SPATA6L: variants seen among roughly 807,000 people sequenced by gnomAD.
SPATA6L encodes spermatogenesis associated 6-like protein.
Under a neutral mutation model 49.2 loss-of-function variants are expected in SPATA6L, and 68 were observed. The ratio of observed to expected loss-of-function variants is 1.38; its 90% CI spans 1.14 to 1.69. The LOEUF is 1.69. Ranked by LOEUF, SPATA6L falls within the 40% of genes most tolerant of loss-of-function variation. The probability of loss-of-function intolerance (pLI) is 0.00; values close to 1 mark genes in which losing one functional copy is unlikely to be tolerated. For synonymous variants in SPATA6L, 198 were observed against 165.7 expected, an observed-to-expected ratio of 1.19 and a Z score of -1.50; for missense variants, 668 against 464.3, an observed-to-expected ratio of 1.44 and a Z score of -4.03.
intron 13 of SPATA6L, among the ~76,000 whole-genome samples, chr9:4,591,970 T>G (rs1427718068): frequency 6.6e-6 from 1 of 152,136 alleles, no homozygotes; most frequent in East Asian, 1.9e-4. Flanking sequence ...TGAGCCTCCC[T>G]GCCAGGATGA....
chr9:4,603,915 T>G (rs1824016400), intron 11 of SPATA6L, among the ~76,000 whole-genome samples: 1 of 152,064 alleles, frequency 6.6e-6, no homozygotes, highest in African/African-American at 2.4e-5. Flanking sequence ...TTCAAGAAGC[T>G]GAAAGAAGGC....
intron 9 of SPATA6L, chr9:4,617,467 A>G (rs1828273068): frequency 6.5e-6 from 1 of 152,728 alleles, no homozygotes; most frequent in South Asian, 2.1e-4. Context: ...TGCTCTCCAG[A>G]CATATGCAAA....
intron 3 of SPATA6L, among the ~76,000 whole-genome samples, chr9:4,635,652 A>C (rs1832655082): frequency 6.6e-6 from 1 of 152,220 alleles, no homozygotes; most frequent in South Asian, 2.1e-4. Flanking sequence ...AAAAAGGAAA[A>C]ACTATCTTTC....
intron 3 of SPATA6L, among the ~76,000 whole-genome samples, chr9:4,650,977 C>T (rs1587442403): frequency 6.6e-6 from 1 of 152,052 alleles, no homozygotes; most frequent in Admixed American, 6.6e-5. Context: ...GCTGGGATTA[C>T]AGGCATGAGC....
chr9:4,594,541 T>C (rs1822116735), downstream of SPATA6L, among the ~76,000 whole-genome samples: 1 of 152,152 alleles, frequency 6.6e-6, no homozygotes, highest in Non-Finnish European at 1.5e-5. Flanking sequence ...ATCACCATTA[T>C]TTCCCCTACA....
intron 2 of SPATA6L, 40 bp from the exon 3 acceptor site, chr9:4,656,129 A>T: frequency 6.4e-7 from 1 of 1,561,052 alleles, no homozygotes; most frequent in Non-Finnish European, 8.8e-7. Flanking sequence ...TCAAAGTTGT[A>T]TTAATAAGCG....
At chr9:4,644,641 T>C (rs1834884965) in intron 3 of SPATA6L, among the ~76,000 whole-genome samples, 1 of 151,278 alleles carries the variant, frequency 6.6e-6, no homozygotes, top group Admixed American at 6.6e-5. Flanking sequence ...AGAGGAGAAT[T>C]TTCTGAGTTT....
chr9:4,663,661 A>G lies in SPATA6L; in HGVS notation c.40-1625T>C, dbSNP rs74757450. The G allele has an allele frequency of 6.1e-4, 122 of 199,634 alleles. 1 individual carries two copies. The highest frequency in any genetic ancestry group is 2.7e-3 in the African/African-American group (116 of 42,614). The allele number at this position is 199,634 out of a possible 1,614,324, so 12.4% of individuals were successfully genotyped here. A position where few individuals can be genotyped will look rare whatever the true frequency, so the allele number is the denominator to read the frequency against. On this transcript the variant is annotated intron_variant, in intron 1 of 11. Coordinates refer to ENST00000682582, the MANE Select transcript of SPATA6L (RefSeq NM_001353486.2). ...ACTTCGAGAAAGAAACATGATGTTC[A>G]TTCTGTAAATATACATGCAGACAGG...
chr9:4,625,454 C>T lies in SPATA6L; in HGVS notation c.542G>A (p.Gly181Asp). ...KENNLNRLPK[G>D]MQARAPSQYS... The stretch of plus-strand genomic sequence containing the variant: ...TTGAGAGGGCGCCCGGGCTTGCATG[C>T]CTTTGGGCAGTCTGTTGAGATTATT... Residue 181 changes from glycine (G) to aspartate (D), a missense_variant, in exon 6 of 12, where the codon GGC becomes GAC. By Grantham distance (94) the Gly-to-Asp change is moderately conservative (BLOSUM62 -1). Transcript: ENST00000682582. 2 of 1,614,006 alleles carry T rather than the reference C, an allele frequency of 1.2e-6. No homozygotes were observed. Among genetic ancestry groups the T allele is most frequent in the South Asian group, 2.2e-5 (2 of 91,070 alleles).
At chr9:4,605,843 G>C (rs1276277796) in intron 9 of SPATA6L, among the ~76,000 whole-genome samples, 2 of 152,244 alleles carry the variant, frequency 1.3e-5, no homozygotes, top group Non-Finnish European at 2.9e-5. Context: ...CCGGTCTCCA[G>C]CTCCCAGCGT....
At chr9:4,601,755 G>A (rs1456728173) in intron 11 of SPATA6L, among the ~76,000 whole-genome samples, 1 of 152,212 alleles carries the variant, frequency 6.6e-6, no homozygotes, top group East Asian at 1.9e-4. Context: ...CGTAGTGGGA[G>A]CCACTGGGTT....
At chr9:4,588,995 T>G (rs7045876) in intron 13 of SPATA6L, 44,135 of 152,026 alleles carry the variant, frequency 0.29, 6,853 homozygotes, top group Middle Eastern at 0.45. Flanking sequence ...TCTAGCAGCC[T>G]TGGAAGGCTG....
At chr9:4,658,859 G>A (rs1838919226) in intron 2 of SPATA6L, among the ~76,000 whole-genome samples, 1 of 151,238 alleles carries the variant, frequency 6.6e-6, no homozygotes, top group African/African-American at 2.4e-5. Flanking sequence ...TGGTGTGGTG[G>A]CAGATCCCTG....
intron 10 of SPATA6L, 149 bp from the exon 11 acceptor site, chr9:4,604,418 T>C (rs1220650327): frequency 2.0e-6 from 1 of 493,950 alleles, no homozygotes; most frequent in East Asian, 3.5e-5. Context: ...ATATAGAATC[T>C]TTCTTTTTTT....
chr9:4,655,868 G>C (rs542727799), intron 3 of SPATA6L, among the ~76,000 whole-genome samples, 173 bp downstream of exon 3: 1 of 152,112 alleles, frequency 6.6e-6, no homozygotes, highest in Non-Finnish European at 1.5e-5. Flanking sequence ...TCTATATATA[G>C]AAAAGGGTAT....
At chr9:4,609,684 A>G (rs189500441) in intron 9 of SPATA6L, among the ~76,000 whole-genome samples, 67 of 151,332 alleles carry the variant, frequency 4.4e-4, no homozygotes, top group African/African-American at 1.5e-3. Flanking sequence ...CCCAAAGCCA[A>G]TATCATACTG....
chr9:4,606,065 A>G (rs538332876), intron 9 of SPATA6L, among the ~76,000 whole-genome samples: 20 of 152,210 alleles, frequency 1.3e-4, no homozygotes, highest in East Asian at 3.9e-4. Context: ...GCACCTGGAA[A>G]ATCGGGTCAC....
Position 4,662,927 on chromosome 9 carries a change from A to T in SPATA6L, c.40-891T>A. ...ACCTGCTGCTGGTGGCCTTGATCAA[A>T]GGGCTGGTCCGCAGGCGCCGCCCGG... On this transcript the variant is annotated intron_variant, in intron 1 of 11. Coordinates refer to ENST00000682582, the MANE Select transcript of SPATA6L (RefSeq NM_001353486.2). This position sits in a 1 kb window ranked among gnomAD's most constrained non-coding sequence, Gnocchi z 4.9. 1 of 1,609,994 alleles carries T rather than the reference A, an allele frequency of 6.2e-7. No homozygotes were observed. The highest frequency in any genetic ancestry group is 8.5e-7 in the Non-Finnish European group (1 of 1,179,868).
Position 4,662,492 on chromosome 9 carries a change from G to C in SPATA6L, c.40-456C>G, listed in dbSNP as rs1840065484. ...GCGGTGGCGGCGGCAGCAGGTTTGA[G>C]TTCCAGTCCCTGCTCAGCAGCCGCG... is the stretch of plus-strand genomic sequence containing the variant. On this transcript the variant is annotated intron_variant, in intron 1 of 11. Coordinates refer to ENST00000682582, the MANE Select transcript of SPATA6L (RefSeq NM_001353486.2). This position sits in a 1 kb window ranked among gnomAD's most constrained non-coding sequence, Gnocchi z 4.9. 3 of 1,558,446 alleles carry C rather than the reference G, an allele frequency of 1.9e-6. No individual in the cohort carries two copies. The highest frequency in any genetic ancestry group is 2.6e-6 in the Non-Finnish European group (3 of 1,161,658).
Sources: gnomAD v4.1 joint callset for allele counts (sites outside exome capture counted in the v4.1 genomes callset) on GRCh38, gnomAD v4.1.1 for gene constraint, Gnocchi (gnomAD v3.1) non-coding constraint, MANE v1.5 for transcripts, NCBI Gene and HGNC (gene_info 2026-07-23, HGNC 2026-07-21) for gene names.